SORL1-AS1: variants seen among roughly 807,000 people sequenced by gnomAD.
SORL1-AS1 encodes lncRNA 51 A.
chr11:121,443,117 T>G (rs188346466), downstream of SORL1-AS1, among the ~76,000 whole-genome samples: 1 of 152,204 alleles, frequency 6.6e-6, no homozygotes, highest in Non-Finnish European at 1.5e-5. Context: ...CTTCTGACTT[T>G]ACTAATGACA....
At chr11:121,443,752 G>A (rs141302157), downstream of SORL1-AS1, among the ~76,000 whole-genome samples, 44 of 152,334 alleles carry the variant, frequency 2.9e-4, no homozygotes, top group African/African-American at 1.1e-3. Context: ...ATTAGCATAA[G>A]GAATATTAGT....
downstream of SORL1-AS1, among the ~76,000 whole-genome samples, chr11:121,445,315 TG>T (rs1196163837): frequency 6.6e-6 from 1 of 152,166 alleles, no homozygotes; most frequent in Non-Finnish European, 1.5e-5. Flanking sequence ...TAGCAGGAGA[TG>T]GGCAAAAGTG....
chr11:121,444,966 T>TA (rs1229195543), downstream of SORL1-AS1, among the ~76,000 whole-genome samples: 2 of 152,170 alleles, frequency 1.3e-5, no homozygotes, highest in African/African-American at 4.8e-5. Flanking sequence ...CCTCTTTGCT[T>TA]AGGTGGTTGG....
At chr11:121,448,386 G>A (rs1336569363) in exon 2 of SORL1-AS1, 2 of 152,174 alleles carry the variant, frequency 1.3e-5, no homozygotes, top group Non-Finnish European at 1.5e-5. Context: ...ATTTCTTTGG[G>A]GGCAGGCGGG....
At chr11:121,442,643 TTA>T (rs1860670316), downstream of SORL1-AS1, among the ~76,000 whole-genome samples, 1 of 72,232 alleles carries the variant, frequency 1.4e-5, no homozygotes, top group African/African-American at 6.0e-5. Flanking sequence ...TCTCTCTCTT[TTA>T]TTTATTTATT....
rs918510627 is a variant in SORL1-AS1, at chr11:121,452,584, C to G, written n.339+91G>C. ...GCTCCGGAGGAAACGGAGCGCTGCC[C>G]TGCAGCCCGAGCCCATCAAGGTGTA... On this transcript the variant is annotated intron_variant and non_coding_transcript_variant, in intron 1 of 1. Coordinates refer to ENST00000501964, the Ensembl canonical transcript of SORL1-AS1. This position sits in a 1 kb window ranked among gnomAD's most constrained non-coding sequence, Gnocchi z 5.3. 1 of 1,522,986 alleles carries G rather than the reference C, an allele frequency of 6.6e-7. No homozygotes were observed. 94.3% of individuals were successfully genotyped at this position (1,522,986 alleles called of 1,614,324 possible). A position where few individuals can be genotyped will look rare whatever the true frequency, so the allele number is the denominator to read the frequency against.
downstream of SORL1-AS1, among the ~76,000 whole-genome samples, chr11:121,442,915 T>A (rs1216778564): frequency 6.6e-6 from 1 of 150,650 alleles, no homozygotes; most frequent in Non-Finnish European, 1.5e-5. Flanking sequence ...CCTGACCTCG[T>A]GATCCGTCCA....
Position 121,450,337 on chromosome 11 carries a change from A to G in SORL1-AS1, n.340-438T>C. ...GTCCTGAGAGACCATGGGGTTGTCC[A>G]TTCCTGGTAAGGTGATGCTGACCAG... On this transcript the variant is annotated intron_variant and non_coding_transcript_variant, in intron 1 of 1. Transcript: ENST00000501964. The surrounding 1 kb of genome is among the most constrained non-coding windows in gnomAD (Gnocchi z 5.2). Among the ~76,000 whole-genome samples, 1 of 152,096 alleles carries G rather than the reference A, an allele frequency of 6.6e-6. No individual in the cohort carries two copies. The highest frequency in any genetic ancestry group is 1.9e-4 in the East Asian group (1 of 5,192).
At chr11:121,449,134 A>G (rs1239967986) in exon 2 of SORL1-AS1, 3 of 152,232 alleles carry the variant, frequency 2.0e-5, no homozygotes, top group Non-Finnish European at 4.4e-5. Context: ...TAAGATGGGC[A>G]GTAGGACAGA....
chr11:121,447,443 G>A (rs1860739544), exon 2 of SORL1-AS1: 1 of 151,758 alleles, frequency 6.6e-6, no homozygotes, highest in African/African-American at 2.4e-5. Flanking sequence ...CTCCTAAGTA[G>A]CTGGGACTAC....
At chr11:121,439,818 C>G in the SORL1-AS1 span, among the ~76,000 whole-genome samples, 1 of 152,212 alleles carries the variant, frequency 6.6e-6, no homozygotes, top group Non-Finnish European at 1.5e-5. Context: ...TCAACTTTTG[C>G]ATAAAATATG....
exon 2 of SORL1-AS1, chr11:121,449,471 C>T (rs769792312): frequency 2.0e-5 from 3 of 152,250 alleles, no homozygotes; most frequent in Admixed American, 1.3e-4. Context: ...TCCTATCTCA[C>T]AACCCAGTGG....
chr11:121,444,108 G>A (rs781231385), downstream of SORL1-AS1, among the ~76,000 whole-genome samples: 1 of 151,954 alleles, frequency 6.6e-6, no homozygotes, highest in South Asian at 2.1e-4. Context: ...GTGTGTGTGT[G>A]TGTCTGTGTG....
downstream of SORL1-AS1, among the ~76,000 whole-genome samples, chr11:121,442,638 CTCTT>C (rs1418654355): frequency 7.3e-5 from 10 of 137,800 alleles, no homozygotes; most frequent in Non-Finnish European, 1.5e-4. Context: ...CTGTCTCTCT[CTCTT>C]TTATTTATTT....
chr11:121,440,654 T>C, the SORL1-AS1 span, among the ~76,000 whole-genome samples: 1 of 152,216 alleles, frequency 6.6e-6, no homozygotes, highest in Non-Finnish European at 1.5e-5. Context: ...ACTTCTTTCT[T>C]GAAGACCTTC....
At position 121,452,570 on chromosome 11, in the gene SORL1-AS1, A is replaced by G. The variant is rs768920320; in HGVS notation, n.339+105T>C. The G allele has an allele frequency of 5.1e-5, 78 of 1,520,290 alleles. No homozygotes were observed. Among genetic ancestry groups the G allele is most frequent in the Non-Finnish European group, 2.6e-6 (3 of 1,141,980 alleles). The allele number at this position is 1,520,290 out of a possible 1,614,324, so 94.2% of individuals were successfully genotyped here. A position where few individuals can be genotyped will look rare whatever the true frequency, so the allele number is the denominator to read the frequency against. ...GCGGACGAGAAGCCGCTCCGGAGGA[A>G]ACGGAGCGCTGCCCTGCAGCCCGAG... On this transcript the variant is annotated intron_variant and non_coding_transcript_variant, in intron 1 of 1. Transcript: ENST00000501964. This position sits in a 1 kb window ranked among gnomAD's most constrained non-coding sequence, Gnocchi z 5.3.
chr11:121,452,770 C>T lies in SORL1-AS1; in HGVS notation n.244G>A, dbSNP rs963081280. ...TTTTTTCCTTCACGAGTACAACCGT[C>T]AGCACTTGAATCGCATTGATCTTTC... On this transcript the variant is annotated non_coding_transcript_exon_variant, in exon 1 of 2. Coordinates refer to ENST00000501964, the Ensembl canonical transcript of SORL1-AS1. The surrounding 1 kb of genome is among the most constrained non-coding windows in gnomAD (Gnocchi z 5.3). 6 of 580,136 alleles carry T rather than the reference C, an allele frequency of 1.0e-5. No homozygotes were observed. In the African/African-American group the frequency reaches 1.2e-4, roughly 11 times the overall value. 35.9% of individuals were successfully genotyped at this position (580,136 alleles called of 1,614,324 possible). A position where few individuals can be genotyped will look rare whatever the true frequency, so the allele number is the denominator to read the frequency against.
At chr11:121,441,387 T>C in the SORL1-AS1 span, among the ~76,000 whole-genome samples, 5 of 150,134 alleles carry the variant, frequency 3.3e-5, no homozygotes, top group African/African-American at 7.4e-5. Flanking sequence ...AAAAATTAGC[T>C]GGGCGTGGTG....
At chr11:121,443,859 T>G (rs1480301699), downstream of SORL1-AS1, among the ~76,000 whole-genome samples, 1 of 152,246 alleles carries the variant, frequency 6.6e-6, no homozygotes, top group Non-Finnish European at 1.5e-5. Context: ...CCCAGCAGGC[T>G]GATTCCTCCT....
Sources: allele counts gnomAD v4.1 joint callset (sites outside exome capture counted in the v4.1 genomes callset), GRCh38; gene constraint gnomAD v4.1.1; non-coding constraint Gnocchi (gnomAD v3.1); transcripts MANE v1.5; gene names NCBI Gene and HGNC (gene_info 2026-07-23, HGNC 2026-07-21).